BAIAP2: variants seen among roughly 807,000 people sequenced by gnomAD.
The protein encoded by BAIAP2 is BAR/IMD domain-containing adapter protein 2.
Under a neutral mutation model 63.0 loss-of-function variants are expected in BAIAP2, and 18 were observed. The observed-to-expected ratio is 0.29, with a 90% CI of 0.20 to 0.42. The LOEUF (loss-of-function observed/expected upper bound fraction) is 0.42, where lower values mean the gene tolerates loss of function less well. Ranked by LOEUF, BAIAP2 falls within the 10% of genes least tolerant of loss-of-function variation. BAIAP2 has a pLI of 1.00. For synonymous variants in BAIAP2, 386 were observed against 307.6 expected (o/e 1.25, Z -2.67); for missense variants, 610 against 734.3 (o/e 0.83, Z 1.96).
rs6565535 is a variant in BAIAP2 at position 81,116,648 on chromosome 17, C to A, written c.*809C>A. ...CAGGACTCCTGGGTGGACCTCCCCC[C>A]CCCACCTCCGCTGACTCCTGCAGGC... On this transcript the variant is annotated 3_prime_UTR_variant, in exon 14 of 14. Coordinates refer to ENST00000428708, the MANE Select transcript of BAIAP2 (RefSeq NM_001144888.2). 293,126 of 355,972 alleles carry A rather than the reference C, an allele frequency of 0.82. 121,529 individuals are homozygous for A. Among genetic ancestry groups the A allele is most frequent in the Middle Eastern group, 0.87 (1,049 of 1,202 alleles). The allele number at this position is 355,972 out of a possible 1,614,324, so 22.1% of individuals were successfully genotyped here.
chr17:81,054,476 C>T (rs1316459026), intron 2 of BAIAP2, among the ~76,000 whole-genome samples: 1 of 152,196 alleles, frequency 6.6e-6, no homozygotes, highest in Non-Finnish European at 1.5e-5. Flanking sequence ...CCCATGCATT[C>T]TGGACTGGGT....
In BAIAP2 at chr17:81,057,982, CCCCCCCCGCCTG is replaced by C. The variant is rs762383204; in HGVS notation, c.217+16_217+27del. 104 of 1,205,014 alleles carry C rather than the reference CCCCCCCCGCCTG, an allele frequency of 8.6e-5. 6 individuals are homozygous for C. Among genetic ancestry groups the C allele is most frequent in the East Asian group, 2.0e-4 (6 of 29,488 alleles). 74.6% of individuals were successfully genotyped at this position (1,205,014 alleles called of 1,614,324 possible). A position where few individuals can be genotyped will look rare whatever the true frequency, so the allele number is the denominator to read the frequency against. On this transcript the variant is annotated intron_variant, in intron 3 of 13. Coordinates refer to ENST00000428708, the MANE Select transcript of BAIAP2 (RefSeq NM_001144888.2). ...CAAAGAACTCGGTGAGACCCCCCCC[CCCCCCCCGCCTG>C]GTAGTCGCCTGATGCCCTCAGGCAG...
At chr17:81,097,959 G>A (rs1203790551) in intron 6 of BAIAP2, among the ~76,000 whole-genome samples, 1 of 152,204 alleles carries the variant, frequency 6.6e-6, no homozygotes, top group Non-Finnish European at 1.5e-5. Flanking sequence ...TCCCAGTCGA[G>A]CCCTCCCACT....
intron 6 of BAIAP2, among the ~76,000 whole-genome samples, chr17:81,095,224 A>G (rs866480659): frequency 6.2e-4 from 95 of 152,192 alleles, no homozygotes; most frequent in South Asian, 4.1e-4. Flanking sequence ...CTGCCTGCCC[A>G]TGGGGCAGGC....
chr17:81,100,385 G>C (rs1419985519), intron 7 of BAIAP2, among the ~76,000 whole-genome samples: 1 of 152,162 alleles, frequency 6.6e-6, no homozygotes, highest in African/African-American at 2.4e-5. Context: ...CATGTCCTGG[G>C]CAGGTGCAGG....
intron 1 of BAIAP2, among the ~76,000 whole-genome samples, chr17:81,045,518 G>C (rs1025787889): frequency 2.0e-5 from 3 of 152,132 alleles, no homozygotes; most frequent in Non-Finnish European, 2.9e-5. Flanking sequence ...GGCCCCTCCT[G>C]GCGGGAGGCC....
chr17:81,094,634 C>G (rs1316751269), intron 6 of BAIAP2, among the ~76,000 whole-genome samples: 1 of 152,310 alleles, frequency 6.6e-6, no homozygotes, highest in East Asian at 1.9e-4. Flanking sequence ...CCTCCCATCT[C>G]CTTTTAACCA....
At chr17:81,036,861 A>G (rs1383790381) in intron 1 of BAIAP2, 1 of 1,535,422 alleles carries the variant, frequency 6.5e-7, no homozygotes, top group Non-Finnish European at 8.7e-7. Flanking sequence ...TTGTGATTGC[A>G]GAGGGTGGAA....
At chr17:81,099,148 C>G (rs941027561) in intron 6 of BAIAP2, among the ~76,000 whole-genome samples, 1 of 152,352 alleles carries the variant, frequency 6.6e-6, no homozygotes, top group South Asian at 2.1e-4. Context: ...TCTGATCTTG[C>G]TGTCCCCGTG....
At chr17:81,104,275 T>TC (rs1193523475) in intron 9 of BAIAP2, among the ~76,000 whole-genome samples, 167 bp downstream of exon 9, 1 of 152,222 alleles carries the variant, frequency 6.6e-6, no homozygotes, top group East Asian at 1.9e-4. Context: ...CTGCCCAGCA[T>TC]CCAGCTCCCT....
At chr17:81,053,629 C>T (rs1390918797) in intron 1 of BAIAP2, 39 bp from the exon 2 acceptor site, 1 of 1,611,676 alleles carries the variant, frequency 6.2e-7, no homozygotes, top group South Asian at 1.1e-5. Context: ...CCAGGGTGAC[C>T]TCTGCCAGTA....
intron 7 of BAIAP2, among the ~76,000 whole-genome samples, chr17:81,102,141 T>TCCCACAGACCCACAGACCCACAGA (rs71367034): frequency 0.02 from 3,089 of 152,070 alleles, 48 homozygotes; most frequent in African/African-American, 0.041. Context: ...GAGGCCTGTG[T>TCCCACAGACCCACAGACCCACAGA]CCCACAGACC....
chr17:81,036,974 A>C (rs1300928839), intron 1 of BAIAP2: 6 of 1,534,802 alleles, frequency 3.9e-6, no homozygotes, highest in East Asian at 2.4e-5. Context: ...GAGTACATGG[A>C]GTGGTTTTGC....
At chr17:81,053,767 G>A (rs368138908) in intron 2 of BAIAP2, 24 bp downstream of exon 2, 76 of 1,607,110 alleles carry the variant, frequency 4.7e-5, no homozygotes, top group Non-Finnish European at 6.0e-5. Flanking sequence ...CGGGCCCCGT[G>A]GGGTGGGAGC....
intron 13 of BAIAP2, among the ~76,000 whole-genome samples, chr17:81,113,189 G>C (rs560663626): frequency 6.6e-6 from 1 of 152,316 alleles, no homozygotes; most frequent in Non-Finnish European, 1.5e-5. Context: ...CGCCCTGCCC[G>C]CCCAACAGCT....
chr17:81,078,959 A>AC (rs968846226), intron 3 of BAIAP2, among the ~76,000 whole-genome samples: 1 of 151,218 alleles, frequency 6.6e-6, no homozygotes, highest in African/African-American at 2.4e-5. Context: ...TTGGGGTAAG[A>AC]CCTGGGGGGA....
chr17:81,109,890 G>GCGGGC, intron 13 of BAIAP2: 1 of 985,474 alleles, frequency 1.0e-6, no homozygotes, highest in Non-Finnish European at 1.2e-6. Context: ...GGCAGGGTGT[G>GCGGGC]CGGGCCGGGC....
intron 1 of BAIAP2, among the ~76,000 whole-genome samples, chr17:81,043,557 G>C (rs2047377361): frequency 6.6e-6 from 1 of 152,234 alleles, no homozygotes; most frequent in South Asian, 2.1e-4. Context: ...GGGGACGGCT[G>C]GGCCCACAGC....
At chr17:81,048,721 C>A (rs1007522749) in intron 1 of BAIAP2, among the ~76,000 whole-genome samples, 1 of 152,200 alleles carries the variant, frequency 6.6e-6, no homozygotes, top group Non-Finnish European at 1.5e-5. Flanking sequence ...TTCAGAAATG[C>A]ATAGCTGGGG....
Sources: allele counts gnomAD v4.1 joint callset (sites outside exome capture counted in the v4.1 genomes callset), GRCh38; gene constraint gnomAD v4.1.1; transcripts MANE v1.5; gene names NCBI Gene and HGNC (gene_info 2026-07-23, HGNC 2026-07-21).